Variants in CNTNAP5 observed in about 807,000 individuals in gnomAD.
CNTNAP5 encodes the protein contactin associated protein family member 5, also known as contactin-associated protein-like 5.
Under a neutral mutation model 150.2 loss-of-function variants are expected in CNTNAP5, and 72 were observed. The observed-to-expected ratio is 0.48, with a 90% CI of 0.40 to 0.58. The LOEUF is 0.58. Ranked by LOEUF, CNTNAP5 falls within the 20% of genes least tolerant of loss-of-function variation. CNTNAP5 has a pLI of 0.00. For synonymous variants in CNTNAP5, 672 were observed against 619.8 expected, an observed-to-expected ratio of 1.08 and a Z score of -1.25; for missense variants, 1,636 against 1,626.2, an observed-to-expected ratio of 1.01 and a Z score of -0.10.
chr2:124,643,018 G>A (rs1678126432), intron 12 of CNTNAP5, among the ~76,000 whole-genome samples: 1 of 152,142 alleles, frequency 6.6e-6, no homozygotes, highest in Admixed American at 6.5e-5. Flanking sequence ...TAGCTGCTCT[G>A]GATCTGAATC....
chr2:124,684,545 T>C (rs1005284957), intron 13 of CNTNAP5, among the ~76,000 whole-genome samples: 3 of 152,126 alleles, frequency 2.0e-5, no homozygotes, highest in Admixed American at 1.3e-4. Flanking sequence ...AGCCAAAAGG[T>C]TATTGACTAT....
At chr2:124,387,950 G>A (rs1482265670) in intron 3 of CNTNAP5, among the ~76,000 whole-genome samples, 1 of 152,164 alleles carries the variant, frequency 6.6e-6, no homozygotes, top group African/African-American at 2.4e-5. Context: ...AGAATCAGGA[G>A]TGAGGGAAAA....
intron 10 of CNTNAP5, among the ~76,000 whole-genome samples, chr2:124,551,691 C>T (rs1695631443): frequency 1.3e-5 from 2 of 152,156 alleles, no homozygotes; most frequent in Non-Finnish European, 2.9e-5. Context: ...AGGGAGGTTA[C>T]TCCATGGAGC....
chr2:124,461,119 C>T (rs112445770), intron 6 of CNTNAP5, among the ~76,000 whole-genome samples: 11 of 152,064 alleles, frequency 7.2e-5, no homozygotes, highest in Non-Finnish European at 1.2e-4. Flanking sequence ...GTCAGTGTGG[C>T]GATTCCTCAG....
intron 3 of CNTNAP5, among the ~76,000 whole-genome samples, chr2:124,380,255 T>C (rs970727706): frequency 1.3e-5 from 2 of 152,132 alleles, no homozygotes; most frequent in African/African-American, 4.8e-5. Flanking sequence ...AGCCATCTTA[T>C]AGAATAAGAA....
intron 1 of CNTNAP5, among the ~76,000 whole-genome samples, chr2:124,116,034 C>T (rs1237940707): frequency 6.6e-6 from 1 of 152,170 alleles, no homozygotes; most frequent in Non-Finnish European, 1.5e-5. Context: ...TTTCTTTCTA[C>T]ATCTTCCTTC....
In CNTNAP5 at chr2:124,312,542, G is replaced by T. The variant is rs550415197; in HGVS notation, c.381+70149G>T. On this transcript the variant is annotated intron_variant, in intron 3 of 23. Transcript: ENST00000682447. ...ACCACACCCAACTAATTTTTGTGGG[G>T]GTTTTTTTGTTTGTTTATTTGTTTG... Among the ~76,000 whole-genome samples the T allele has an allele frequency of 2.7e-3, 408 of 150,570 alleles. 3 individuals carry two copies. The highest frequency in any genetic ancestry group is 9.7e-3 in the African/African-American group (397 of 40,780).
intron 3 of CNTNAP5, among the ~76,000 whole-genome samples, chr2:124,251,291 C>A (rs921431977): frequency 7.3e-6 from 1 of 136,478 alleles, no homozygotes; most frequent in Non-Finnish European, 1.6e-5. Flanking sequence ...AGTTTTCCCC[C>A]ACCCCCCCAA....
At chr2:124,365,531 C>T (rs1051878251) in intron 3 of CNTNAP5, among the ~76,000 whole-genome samples, 3 of 152,156 alleles carry the variant, frequency 2.0e-5, no homozygotes, top group Non-Finnish European at 2.9e-5. Flanking sequence ...CTACAGAGAA[C>T]ATGGCATTGG....
intron 10 of CNTNAP5, among the ~76,000 whole-genome samples, chr2:124,540,472 C>T (rs539104247): frequency 5.7e-4 from 87 of 152,258 alleles, no homozygotes; most frequent in African/African-American, 2.0e-3. Context: ...TGAGAGACTG[C>T]CTGTGCTCTG....
chr2:124,883,614 C>T (rs62173289), intron 21 of CNTNAP5, among the ~76,000 whole-genome samples: 10,617 of 152,038 alleles, frequency 0.07, 490 homozygotes, highest in East Asian at 0.15. Context: ...ATATGTATGT[C>T]CATGTGTGGT....
chr2:124,124,708 A>G (rs1456049459), intron 1 of CNTNAP5, among the ~76,000 whole-genome samples: 3 of 152,222 alleles, frequency 2.0e-5, no homozygotes, highest in Non-Finnish European at 4.4e-5. Context: ...GACTAACAGC[A>G]GATCTCTCAG....
chr2:124,425,804 G>T (rs6722375), intron 4 of CNTNAP5, among the ~76,000 whole-genome samples: 2,575 of 152,234 alleles, frequency 0.017, 80 homozygotes, highest in African/African-American at 0.057. Context: ...CGGTGGCATG[G>T]CTCACGTCTT....
intron 13 of CNTNAP5, among the ~76,000 whole-genome samples, chr2:124,683,279 T>C (rs1679111858): frequency 6.6e-6 from 1 of 152,216 alleles, no homozygotes; most frequent in Non-Finnish European, 1.5e-5. Context: ...TGTTTTATTC[T>C]GAAGTAATTT....
chr2:124,568,619 C>T (rs1444772063), intron 11 of CNTNAP5, among the ~76,000 whole-genome samples: 1 of 152,142 alleles, frequency 6.6e-6, no homozygotes, highest in Admixed American at 6.5e-5. Flanking sequence ...TAGCCCAAGA[C>T]GTTTTTGTTT....
At chr2:124,762,810 AG>A (rs530163206) in intron 14 of CNTNAP5, among the ~76,000 whole-genome samples, 152 of 152,234 alleles carry the variant, frequency 1.0e-3, no homozygotes, top group African/African-American at 3.4e-3. Flanking sequence ...ACTTTAGGCC[AG>A]CTATCTAATA....
chr2:124,879,940 A>G (rs926349560), intron 21 of CNTNAP5, among the ~76,000 whole-genome samples: 1 of 152,102 alleles, frequency 6.6e-6, no homozygotes, highest in Non-Finnish European at 1.5e-5. Context: ...AAGCTTGGTG[A>G]GAATGGAAGC....
At chr2:124,856,456 C>T (rs2104709249) in intron 19 of CNTNAP5, among the ~76,000 whole-genome samples, 1 of 152,332 alleles carries the variant, frequency 6.6e-6, no homozygotes, top group Admixed American at 6.5e-5. Context: ...TTCCCACCAG[C>T]ATTGTAGAAG....
intron 3 of CNTNAP5, among the ~76,000 whole-genome samples, chr2:124,354,608 G>T (rs779849834): frequency 6.6e-6 from 1 of 152,138 alleles, no homozygotes; most frequent in Non-Finnish European, 1.5e-5. Flanking sequence ...ATCTTGACGT[G>T]AGTCTCTATG....
Sources: allele counts gnomAD v4.1 joint callset (sites outside exome capture counted in the v4.1 genomes callset), GRCh38; gene constraint gnomAD v4.1.1; transcripts MANE v1.5; gene names NCBI Gene and HGNC (gene_info 2026-07-23, HGNC 2026-07-21).